Variants in RYR2 observed in about 807,000 individuals in gnomAD.
RYR2 encodes ryanodine receptor 2.
Under a neutral mutation model 601.1 loss-of-function variants are expected in RYR2, and 227 were observed. The ratio of observed to expected loss-of-function variants is 0.38; its 90% CI spans 0.34 to 0.42. The LOEUF (loss-of-function observed/expected upper bound fraction) is 0.42. RYR2 is among the 10% of genes least tolerant of loss of function. RYR2 has a pLI of 1.00. For synonymous variants in RYR2, 2,223 were observed against 2,175.1 expected (o/e 1.02, Z -0.61); for missense variants, 4,646 against 6,156.5 (o/e 0.75, Z 8.21).
intron 29 of RYR2, among the ~76,000 whole-genome samples, chr1:237,572,838 T>A (rs1488272071): frequency 6.6e-6 from 1 of 152,162 alleles, no homozygotes; most frequent in Admixed American, 6.5e-5. Flanking sequence ...TTTTTGGTAC[T>A]GGAATATCTC....
chr1:237,308,858 A>G (rs1368357494), intron 2 of RYR2, among the ~76,000 whole-genome samples: 1 of 152,180 alleles, frequency 6.6e-6, no homozygotes, highest in Non-Finnish European at 1.5e-5. Context: ...CATCCTGCTG[A>G]TTGGTCCATT....
chr1:237,792,374 TGTGTGTGC>T (rs1477085294), intron 94 of RYR2, 51 bp downstream of exon 94: 15 of 776,744 alleles, frequency 1.9e-5, no homozygotes, highest in African/African-American at 9.1e-5. Flanking sequence ...TGTGTGTGTG[TGTGTGTGC>T]GTGTGTGTGT....
At position 237,649,929 on chromosome 1, in the gene RYR2, C is replaced by T; in HGVS notation, c.7565C>T (p.Thr2522Ile). 1.2e-6 allele frequency: 2 copies of T among 1,613,988 alleles called. No individual in the cohort carries two copies. Among genetic ancestry groups the T allele is most frequent in the Non-Finnish European group, 1.7e-6 (2 of 1,179,880 alleles). ...MALALNRYLC[T>I]AVLPLLTRCA... ...TTGGCCCTCAATCGGTACCTTTGCA[C>T]AGCCGTCTTGCCATTGTTAACAAGA... Residue 2522 changes from threonine to isoleucine, a missense_variant, in exon 50 of 105, where the codon ACA becomes ATA. Around this residue, in one of 17 missense-constraint regions of RYR2, gnomAD observed 1,497 missense variants for 1,842.6 expected, o/e 0.81. Transcript: ENST00000366574.
intron 97 of RYR2, among the ~76,000 whole-genome samples, chr1:237,800,514 C>T (rs1304947436): frequency 1.3e-5 from 2 of 152,072 alleles, no homozygotes; most frequent in Non-Finnish European, 2.9e-5. Flanking sequence ...TTTGCAACTA[C>T]TTAGCATTTA....
rs565928371 is a variant in RYR2, at chr1:237,792,623, C to G, written c.13782+300C>G. Among the ~76,000 whole-genome samples the G allele has an allele frequency of 6.5e-4, 99 of 152,246 alleles. 1 individual carries two copies. The highest frequency in any genetic ancestry group is 3.4e-3 in the Middle Eastern group (1 of 294). ...GATGCCCCTTCAGGGCTGTCCTGGC[C>G]TGGGGCATTGGAGCCTGGCCTTTTT... On this transcript the variant is annotated intron_variant, in intron 94 of 104. Transcript: ENST00000366574.
intron 25 of RYR2, among the ~76,000 whole-genome samples, chr1:237,546,412 G>T (rs530189163): frequency 6.6e-5 from 10 of 151,942 alleles, no homozygotes; most frequent in African/African-American, 2.4e-4. Flanking sequence ...GAGTCTCGCC[G>T]TGTCACCCAG....
intron 98 of RYR2, among the ~76,000 whole-genome samples, chr1:237,804,592 C>T (rs1018127458): frequency 6.6e-6 from 1 of 152,022 alleles, no homozygotes; most frequent in South Asian, 2.1e-4. Flanking sequence ...GGCCCTCCCC[C>T]AAAAGTGTAT....
chr1:237,115,370 T>A (rs1669950504), intron 1 of RYR2, among the ~76,000 whole-genome samples: 1 of 152,090 alleles, frequency 6.6e-6, no homozygotes, highest in African/African-American at 2.4e-5. Context: ...CCTCTCCGGA[T>A]CCATAAGGAC....
intron 25 of RYR2, among the ~76,000 whole-genome samples, chr1:237,535,484 TACACACACACACACACAC>T (rs58146773): frequency 1.4e-5 from 2 of 144,724 alleles, no homozygotes; most frequent in East Asian, 4.0e-4. Flanking sequence ...CAAACACACA[TACACACACACACACACAC>T]ACACACACAC....
At chr1:237,731,403 A>C (rs1389174045) in intron 77 of RYR2, among the ~76,000 whole-genome samples, 1 of 152,172 alleles carries the variant, frequency 6.6e-6, no homozygotes, top group Non-Finnish European at 1.5e-5. Context: ...GAAAATAAGA[A>C]AAAAAGTATA....
intron 1 of RYR2, among the ~76,000 whole-genome samples, chr1:237,214,122 T>C (rs1470249394): frequency 6.6e-6 from 1 of 151,974 alleles, no homozygotes; most frequent in Non-Finnish European, 1.5e-5. Context: ...GGTTTCACCA[T>C]GTTGGCCAGG....
chr1:237,100,798 G>A (rs1222965091), intron 1 of RYR2, among the ~76,000 whole-genome samples: 2 of 152,122 alleles, frequency 1.3e-5, no homozygotes, highest in Non-Finnish European at 2.9e-5. Context: ...CAATTCTGAT[G>A]TTTTTATACG....
chr1:237,063,302 T>C (rs1342684989), intron 1 of RYR2, among the ~76,000 whole-genome samples: 3 of 152,330 alleles, frequency 2.0e-5, no homozygotes, highest in Non-Finnish European at 4.4e-5. Flanking sequence ...TGTGGGACTT[T>C]GTTGTAGCAG....
At chr1:237,709,677 G>T in intron 70 of RYR2, 110 bp downstream of exon 70, 1 of 581,662 alleles carries the variant, frequency 1.7e-6, no homozygotes, top group Non-Finnish European at 3.0e-6. Context: ...CCCCTGAGGA[G>T]TTTGAGGGAA....
intron 1 of RYR2, among the ~76,000 whole-genome samples, chr1:237,219,474 T>C (rs991369716): frequency 6.6e-6 from 1 of 152,184 alleles, no homozygotes; most frequent in Non-Finnish European, 1.5e-5. Context: ...AGAACCCTCT[T>C]GCCCCCGGAG....
At chr1:237,743,255 A>G (rs1691773388) in intron 80 of RYR2, among the ~76,000 whole-genome samples, 2 of 152,226 alleles carry the variant, frequency 1.3e-5, no homozygotes, top group South Asian at 4.1e-4. Context: ...GAATAAGCTC[A>G]GAGCAGTGAC....
In RYR2 at chr1:237,791,739, G is replaced by A. The variant is rs560653610; in HGVS notation, c.13563+224G>A. 43 of 570,546 alleles carry A rather than the reference G, an allele frequency of 7.5e-5. 1 individual carries two copies. The South Asian group carries it at 9.9e-4, about 13-fold the overall frequency. The allele number at this position is 570,546 out of a possible 1,614,324, so 35.3% of individuals were successfully genotyped here. A position where few individuals can be genotyped will look rare whatever the true frequency, so the allele number is the denominator to read the frequency against. On this transcript the variant is annotated intron_variant, in intron 93 of 104. Transcript: ENST00000366574. ...CTGAAGGGCATTTGATTTAGCAGAG[G>A]GCTTCCCCACAGTATTCCCAGCCTA...
intron 2 of RYR2, among the ~76,000 whole-genome samples, chr1:237,330,303 C>A (rs1050638180): frequency 3.9e-5 from 6 of 152,224 alleles, no homozygotes; most frequent in African/African-American, 1.4e-4. Flanking sequence ...CAGGGCAATG[C>A]GTATCAGAGT....
intron 62 of RYR2, among the ~76,000 whole-genome samples, chr1:237,685,349 G>A (rs924258386): frequency 2.6e-5 from 4 of 152,106 alleles, no homozygotes; most frequent in Non-Finnish European, 5.9e-5. Context: ...TTTCTCTCTG[G>A]TGGCACATGT....
Sources: gnomAD v4.1 joint callset for allele counts (sites outside exome capture counted in the v4.1 genomes callset) on GRCh38, gnomAD v4.1.1 for gene constraint, gnomAD v4.1.1 regional missense constraint, MANE v1.5 for transcripts, NCBI Gene and HGNC (gene_info 2026-07-23, HGNC 2026-07-21) for gene names.